The following ASAP2 variants were observed in gnomAD, a reference collection of about 807,000 sequenced individuals.
The protein encoded by ASAP2 is ArfGAP with SH3 domain, ankyrin repeat and PH domain 2, also known as arf-GAP with SH3 domain, ANK repeat and PH domain-containing protein 2.
A neutral mutation model predicts 131.4 loss-of-function variants in ASAP2; 45 were observed. That is an observed-to-expected ratio of 0.34 (90% CI 0.27 to 0.44). The LOEUF (loss-of-function observed/expected upper bound fraction) is 0.44. ASAP2 is among the 20% of genes least tolerant of loss of function. The probability of loss-of-function intolerance (pLI) is 1.00; values close to 1 mark genes in which losing one functional copy is unlikely to be tolerated. For synonymous variants in ASAP2, 510 were observed against 503.0 expected, an observed-to-expected ratio of 1.01 and a Z score of -0.19; for missense variants, 1,011 against 1,297.0, an observed-to-expected ratio of 0.78 and a Z score of 3.39.
intron 1 of ASAP2, among the ~76,000 whole-genome samples, chr2:9,210,918 G>A (rs1435842638): frequency 6.6e-6 from 1 of 151,836 alleles, no homozygotes; most frequent in East Asian, 2.0e-4. Flanking sequence ...CAGTTTGGGA[G>A]GCCAAGGCGG....
Position 9,378,970 on chromosome 2 carries a change from A to T in ASAP2, c.1859A>T (p.Lys620Ile). The T allele has an allele frequency of 6.6e-7, 1 of 1,513,226 alleles. No individual in the cohort carries two copies. Among genetic ancestry groups the T allele is most frequent in the East Asian group, 2.6e-5 (1 of 39,028 alleles). 93.7% of individuals were successfully genotyped at this position (1,513,226 alleles called of 1,614,324 possible). The change falls in exon 19 of 28, where the codon AAA becomes ATA. Residue 620 changes from lysine to isoleucine, a missense_variant. By Grantham distance (102) the Lys-to-Ile change is moderately radical. Around this residue, in one of 2 missense-constraint regions of ASAP2, gnomAD observed 652 missense variants for 698.9 expected, o/e 0.93. Coordinates refer to ENST00000281419, the MANE Select transcript of ASAP2 (RefSeq NM_003887.3). ...NSGNLDKQTG[K>I]GSTALHYCCL... is the part of the protein sequence containing the mutation. ...GGGAACCTGGATAAACAGACAGGGA[A>T]AGGCAGCACAGCCCTGCACTACTGC...
chr2:9,352,629 C>A (rs865931399), intron 12 of ASAP2, among the ~76,000 whole-genome samples: 11 of 152,224 alleles, frequency 7.2e-5, no homozygotes, highest in African/African-American at 2.7e-4. Flanking sequence ...GATCAGTAGA[C>A]GGCAAGTGTG....
At chr2:9,323,032 G>A (rs1448483614) in intron 5 of ASAP2, 89 bp from the exon 6 acceptor site, 21 of 1,525,808 alleles carry the variant, frequency 1.4e-5, no homozygotes, top group Middle Eastern at 1.8e-4. Context: ...CGTTGGTCTC[G>A]CCAGGCTGGG....
At chr2:9,278,834 G>A (rs929636924) in intron 1 of ASAP2, among the ~76,000 whole-genome samples, 2 of 152,212 alleles carry the variant, frequency 1.3e-5, no homozygotes, top group Non-Finnish European at 2.9e-5. Context: ...CAGCTTACAA[G>A]CTAATGATAT....
At chr2:9,353,766 A>G (rs903851525) in intron 12 of ASAP2, among the ~76,000 whole-genome samples, 9 of 152,024 alleles carry the variant, frequency 5.9e-5, no homozygotes, top group Admixed American at 2.0e-4. Flanking sequence ...TTCCTACAAG[A>G]TGTTCCTTTA....
intron 2 of ASAP2, among the ~76,000 whole-genome samples, chr2:9,296,802 G>T (rs1283095611): frequency 2.0e-5 from 3 of 152,194 alleles, no homozygotes; most frequent in Admixed American, 2.0e-4. Flanking sequence ...AGGGCCCCTG[G>T]GTAGAGGCTG....
chr2:9,343,002 A>G (rs1177064771), intron 9 of ASAP2, among the ~76,000 whole-genome samples: 1 of 151,952 alleles, frequency 6.6e-6, no homozygotes, highest in Admixed American at 6.5e-5. Flanking sequence ...CTTCCATCAC[A>G]CTGATTTTCC....
chr2:9,357,862 G>T (rs777401679), intron 14 of ASAP2, among the ~76,000 whole-genome samples: 1 of 152,154 alleles, frequency 6.6e-6, no homozygotes, highest in Non-Finnish European at 1.5e-5. Context: ...TTTACCTGCC[G>T]TGAGTTTCTC....
chr2:9,214,235 T>C (rs763743157), intron 1 of ASAP2, among the ~76,000 whole-genome samples: 3 of 152,178 alleles, frequency 2.0e-5, no homozygotes, highest in Non-Finnish European at 4.4e-5. Flanking sequence ...TTTTCTTTTC[T>C]TTTTCTTTTT....
chr2:9,312,585 C>T (rs1323747581), intron 3 of ASAP2, among the ~76,000 whole-genome samples: 1 of 152,172 alleles, frequency 6.6e-6, no homozygotes, highest in African/African-American at 2.4e-5. Flanking sequence ...CATGATGTCT[C>T]AGTCCTGGCT....
intron 9 of ASAP2, among the ~76,000 whole-genome samples, chr2:9,343,633 A>G (rs1671749866): frequency 6.6e-6 from 1 of 152,058 alleles, no homozygotes; most frequent in African/African-American, 2.4e-5. Flanking sequence ...TTTTTGTAGA[A>G]ACGAGGTCTT....
chr2:9,364,362 C>T (rs961886273), intron 15 of ASAP2, among the ~76,000 whole-genome samples: 15 of 152,070 alleles, frequency 9.9e-5, no homozygotes, highest in African/African-American at 7.2e-5. Context: ...AAAAAGTTAG[C>T]TGAGTATGGT....
At chr2:9,297,740 T>A (rs982479959) in intron 3 of ASAP2, among the ~76,000 whole-genome samples, 8 of 152,232 alleles carry the variant, frequency 5.3e-5, no homozygotes, top group African/African-American at 7.2e-5. Context: ...TTTAACAGTT[T>A]CTAAACTGTG....
At chr2:9,257,746 C>T (rs1451379930) in intron 1 of ASAP2, among the ~76,000 whole-genome samples, 1 of 152,094 alleles carries the variant, frequency 6.6e-6, no homozygotes, top group Non-Finnish European at 1.5e-5. Flanking sequence ...GTCTTGATCT[C>T]CTTGTGACCT....
chr2:9,316,259 C>T (rs1348835198), intron 3 of ASAP2, among the ~76,000 whole-genome samples: 7 of 151,744 alleles, frequency 4.6e-5, no homozygotes, highest in South Asian at 4.2e-4. Context: ...GAAGTTGAGG[C>T]TGAAGTGCCC....
At chr2:9,214,126 A>G (rs1468844794) in intron 1 of ASAP2, among the ~76,000 whole-genome samples, 3 of 152,208 alleles carry the variant, frequency 2.0e-5, no homozygotes, top group South Asian at 4.1e-4. Context: ...CCTACTAAAG[A>G]GAGGTGACGT....
intron 16 of ASAP2, among the ~76,000 whole-genome samples, chr2:9,373,943 G>T (rs1419054986): frequency 6.6e-6 from 1 of 152,240 alleles, no homozygotes; most frequent in Non-Finnish European, 1.5e-5. Flanking sequence ...GACCCACTGT[G>T]TGTGCTGCAG....
At chr2:9,292,783 A>G (rs1177653069) in intron 2 of ASAP2, among the ~76,000 whole-genome samples, 2 of 152,210 alleles carry the variant, frequency 1.3e-5, no homozygotes, top group Non-Finnish European at 2.9e-5. Context: ...CCCAGCCATG[A>G]GCATATGTGT....
intron 7 of ASAP2, among the ~76,000 whole-genome samples, chr2:9,331,431 G>A (rs1670831078): frequency 6.6e-6 from 1 of 152,124 alleles, no homozygotes; most frequent in Admixed American, 6.5e-5. Context: ...CTGTACTCTA[G>A]CGGAATCTAG....
Sources: allele counts gnomAD v4.1 joint callset (sites outside exome capture counted in the v4.1 genomes callset), GRCh38; gene constraint gnomAD v4.1.1; regional missense constraint gnomAD v4.1.1; transcripts MANE v1.5; gene names NCBI Gene and HGNC (gene_info 2026-07-23, HGNC 2026-07-21).